KCNIP4: variants seen among roughly 807,000 people sequenced by gnomAD.
KCNIP4 encodes the protein potassium voltage-gated channel interacting protein 4.
Under a neutral mutation model 34.0 loss-of-function variants are expected in KCNIP4, and 12 were observed. The observed-to-expected ratio is 0.35, with a 90% confidence interval of 0.23 to 0.57. KCNIP4 has a LOEUF of 0.57. Among genes scored for constraint, KCNIP4 ranks in the 20% least tolerant of loss-of-function variants. KCNIP4 has a pLI of 0.83. For synonymous variants in KCNIP4, 124 were observed against 102.2 expected (o/e 1.21, Z -1.29); for missense variants, 238 against 311.7 (o/e 0.76, Z 1.78).
intron 1 of KCNIP4, among the ~76,000 whole-genome samples, chr4:20,910,935 A>AT (rs918215207): frequency 1.3e-5 from 2 of 152,132 alleles, no homozygotes; most frequent in East Asian, 1.9e-4. Context: ...TAAGAACTTC[A>AT]TTTTTTATCC....
chr4:20,983,059 G>C (rs1736238135), intron 1 of KCNIP4, among the ~76,000 whole-genome samples: 1 of 152,168 alleles, frequency 6.6e-6, no homozygotes, highest in Admixed American at 6.5e-5. Flanking sequence ...GTGTGTGTTT[G>C]ATACATACAT....
At chr4:21,918,335 G>A (rs936619305) in intron 1 of KCNIP4, among the ~76,000 whole-genome samples, 12 of 152,130 alleles carry the variant, frequency 7.9e-5, no homozygotes, top group African/African-American at 2.2e-4. Flanking sequence ...TACAGTAAGC[G>A]GGAGATATAG....
rs1241840126 is a variant in KCNIP4 at position 21,388,290 on chromosome 4, A to G, written c.62-505581T>C. ...TAAATATATATGTAATAATAAATATATATAATTTTAAAAAGCCTCAACTGT... is the reference window on the plus strand; with the variant it reads ...TAAATATATATGTAATAATAAATATGTATAATTTTAAAAAGCCTCAACTGT... On this transcript the variant is annotated intron_variant, in intron 1 of 8. Coordinates refer to ENST00000382152, the MANE Select transcript of KCNIP4 (RefSeq NM_025221.6). 3.3e-5 allele frequency among the ~76,000 whole-genome samples: 5 copies of G among 150,242 alleles called. No homozygotes were observed. In the Admixed American group the frequency reaches 3.3e-4, roughly 10 times the overall value.
chr4:20,850,755 T>C, intron 2 of KCNIP4, 88 bp from the exon 3 acceptor site: 1 of 1,448,056 alleles, frequency 6.9e-7, no homozygotes, highest in South Asian at 1.3e-5. Flanking sequence ...GAAGAACATG[T>C]CTGCTAATGT....
At chr4:20,820,975 A>G (rs987550749) in intron 3 of KCNIP4, among the ~76,000 whole-genome samples, 3 of 152,180 alleles carry the variant, frequency 2.0e-5, no homozygotes, top group African/African-American at 7.2e-5. Context: ...AGCTACCTCC[A>G]CCTAGGTTTC....
rs151261845 is a variant in KCNIP4 at position 21,372,177 on chromosome 4, T to C, written c.62-489468A>G. On this transcript the variant is annotated intron_variant, in intron 1 of 8. Coordinates refer to ENST00000382152, the MANE Select transcript of KCNIP4 (RefSeq NM_025221.6). ...CACAGCATCGTACTTCAGGAGTCTT[T>C]ACATTTTCTAGAAGGCCAAATTATA... Among the ~76,000 whole-genome samples the C allele has an allele frequency of 4.4e-4, 65 of 147,400 alleles. 13 individuals carry two copies. Among genetic ancestry groups the C allele is most frequent in the African/African-American group, 1.8e-3 (65 of 37,054 alleles).
chr4:21,649,824 A>G (rs1167018156), intron 1 of KCNIP4, among the ~76,000 whole-genome samples: 3 of 152,206 alleles, frequency 2.0e-5, no homozygotes, highest in Admixed American at 6.5e-5. Context: ...AATGTGCTGA[A>G]TGTCCATCCA....
chr4:20,887,696 G>A (rs1193795318), intron 1 of KCNIP4, among the ~76,000 whole-genome samples: 1 of 152,040 alleles, frequency 6.6e-6, no homozygotes, highest in Non-Finnish European at 1.5e-5. Context: ...AAATAAACCT[G>A]GGATAATTCA....
chr4:21,215,497 G>T (rs543028610), intron 1 of KCNIP4, among the ~76,000 whole-genome samples: 2 of 152,250 alleles, frequency 1.3e-5, no homozygotes, highest in African/African-American at 4.8e-5. Flanking sequence ...TTTCTCAGAA[G>T]CCTTTCTGGA....
chr4:21,362,643 A>G (rs1294273377), intron 1 of KCNIP4, among the ~76,000 whole-genome samples: 1 of 152,172 alleles, frequency 6.6e-6, no homozygotes, highest in Non-Finnish European at 1.5e-5. Flanking sequence ...AAACACGTTC[A>G]GTCTTTGTCC....
chr4:21,025,244 A>C (rs1740416085), intron 1 of KCNIP4, among the ~76,000 whole-genome samples: 1 of 152,152 alleles, frequency 6.6e-6, no homozygotes, highest in Non-Finnish European at 1.5e-5. Flanking sequence ...GAGGAAGAAG[A>C]GAGAAGGTAG....
intron 1 of KCNIP4, among the ~76,000 whole-genome samples, chr4:21,041,921 C>T (rs1404307175): frequency 6.6e-6 from 1 of 152,200 alleles, no homozygotes; most frequent in South Asian, 2.1e-4. Context: ...AGCCCTGCCA[C>T]TTGCTGCTGT....
chr4:20,912,482 T>C (rs1244782075), intron 1 of KCNIP4, among the ~76,000 whole-genome samples: 1 of 152,112 alleles, frequency 6.6e-6, no homozygotes, highest in East Asian at 1.9e-4. Context: ...AGGTTTTTTA[T>C]ATATAACAAC....
intron 1 of KCNIP4, among the ~76,000 whole-genome samples, chr4:21,919,680 T>C (rs1728833638): frequency 6.6e-6 from 1 of 152,158 alleles, no homozygotes; most frequent in Non-Finnish European, 1.5e-5. Context: ...CTACTCACCT[T>C]GCAGCTTCAG....
At chr4:21,355,781 A>C (rs1467839442) in intron 1 of KCNIP4, among the ~76,000 whole-genome samples, 1 of 152,202 alleles carries the variant, frequency 6.6e-6, no homozygotes, top group Non-Finnish European at 1.5e-5. Context: ...TAAAAGAAGA[A>C]ATCTTCCCTA....
At chr4:21,157,575 A>G (rs1390736636) in intron 1 of KCNIP4, among the ~76,000 whole-genome samples, 1 of 152,180 alleles carries the variant, frequency 6.6e-6, no homozygotes, top group Non-Finnish European at 1.5e-5. Flanking sequence ...ACAATTGCCC[A>G]AGCAATTATG....
chr4:21,262,183 C>T (rs1183852756), intron 1 of KCNIP4, among the ~76,000 whole-genome samples: 6 of 152,074 alleles, frequency 3.9e-5, no homozygotes, highest in African/African-American at 1.2e-4. Context: ...CCTTTCTACA[C>T]AAGAGTGGAT....
chr4:21,692,850 T>TG (rs35846347), intron 1 of KCNIP4, among the ~76,000 whole-genome samples: 4 of 126,426 alleles, frequency 3.2e-5, no homozygotes, highest in Non-Finnish European at 7.3e-5. Flanking sequence ...TTTTTTTTTT[T>TG]GCCAAGATTC....
At chr4:21,114,047 T>C (rs1749480810) in intron 1 of KCNIP4, among the ~76,000 whole-genome samples, 1 of 152,212 alleles carries the variant, frequency 6.6e-6, no homozygotes, top group South Asian at 2.1e-4. Context: ...TCCAGACCTA[T>C]CCGTAGCCTG....
Sources: gnomAD v4.1 joint callset for allele counts (sites outside exome capture counted in the v4.1 genomes callset) on GRCh38, gnomAD v4.1.1 for gene constraint, MANE v1.5 for transcripts, NCBI Gene and HGNC (gene_info 2026-07-23, HGNC 2026-07-21) for gene names.